Variants in DYNC2I1 observed in about 807,000 individuals in gnomAD.
DYNC2I1 encodes dynein 2 intermediate chain 1.
Under a neutral mutation model 133.4 loss-of-function variants are expected in DYNC2I1, and 89 were observed. That is an observed-to-expected ratio of 0.67 (90% CI 0.56 to 0.80). The LOEUF (loss-of-function observed/expected upper bound fraction) is 0.80. Ranked by LOEUF, DYNC2I1 falls within the 30% of genes least tolerant of loss-of-function variation. DYNC2I1 has a pLI of 0.00. For synonymous variants in DYNC2I1, 504 were observed against 484.3 expected, an observed-to-expected ratio of 1.04 and a Z score of -0.54; for missense variants, 1,291 against 1,314.5, an observed-to-expected ratio of 0.98 and a Z score of 0.28.
intron 15 of DYNC2I1, among the ~76,000 whole-genome samples, chr7:158,921,620 G>A (rs796557401): frequency 5.3e-5 from 8 of 152,262 alleles, no homozygotes; most frequent in African/African-American, 1.9e-4. Flanking sequence ...AGGGTTCCCT[G>A]GAATTGGAGG....
chr7:158,911,845 C>T (rs1847512327), intron 12 of DYNC2I1, among the ~76,000 whole-genome samples, 166 bp downstream of exon 12: 1 of 152,204 alleles, frequency 6.6e-6, no homozygotes, highest in South Asian at 2.1e-4. Context: ...GGCCCATTCA[C>T]CCGAGAGGCC....
At chr7:158,843,350 T>G in the DYNC2I1 span, among the ~76,000 whole-genome samples, 1 of 152,174 alleles carries the variant, frequency 6.6e-6, no homozygotes, top group Non-Finnish European at 1.5e-5. Context: ...AACCTCCACC[T>G]CTCAGGTTCA....
chr7:158,910,819 G>T (rs572244830), intron 11 of DYNC2I1, among the ~76,000 whole-genome samples: 2 of 150,782 alleles, frequency 1.3e-5, no homozygotes, highest in South Asian at 4.2e-4. Context: ...GTGTCAGCCT[G>T]TGGGCCAAGG....
In DYNC2I1 at chr7:158,942,372, C is replaced by T. The variant is rs534922143; in HGVS notation, c.3002+224C>T. Among the ~76,000 whole-genome samples the T allele has an allele frequency of 3.9e-5, 6 of 152,126 alleles. No individual in the cohort carries two copies. In the South Asian group the frequency reaches 8.3e-4, roughly 21 times the overall value. On this transcript the variant is annotated intron_variant, in intron 24 of 24. Transcript: ENST00000407559. ...AGTGGAAGGCAGAGATTTCTAGCAC[C>T]CTGTCCCACATCCCGGCCGGAGGCA...
rs1342910216 is a variant in DYNC2I1, at chr7:158,926,405, T to C, written c.2375T>C (p.Met792Thr). ...TTTTTGTTTCTGTCTTCATCAGAAA[T>C]GTCAGGTTTGTCCTTCCACATCGCT... ...VLSPFSTQEE[M>T]SGLSFHIASL... Residue 792 changes from methionine to threonine, a missense_variant, in exon 19 of 25, where the codon ATG (methionine) becomes ACG (threonine). Met to Thr is a moderately conservative substitution (Grantham distance 81, BLOSUM62 -1). Transcript: ENST00000407559. 16 of 1,612,872 alleles carry C rather than the reference T, an allele frequency of 9.9e-6. No homozygotes were observed. The East Asian group carries it at 3.6e-4, about 36-fold the overall frequency.
intron 5 of DYNC2I1, among the ~76,000 whole-genome samples, chr7:158,884,119 A>G (rs987312072): frequency 1.0e-4 from 15 of 144,330 alleles, no homozygotes; most frequent in Non-Finnish European, 2.3e-4. Context: ...ATCTCTGCTC[A>G]TTGCAAGCTC....
In DYNC2I1 at chr7:158,881,146, C is replaced by T. The variant is rs117091331; in HGVS notation, c.879+1157C>T. Among the ~76,000 whole-genome samples the T allele has an allele frequency of 4.6e-5, 7 of 152,370 alleles. No individual in the cohort carries two copies. The East Asian group carries it at 1.2e-3, about 25-fold the overall frequency. ...TTAGGAGCAGAAGCTGCCTGGCTCC[C>T]GGCCATCTCAGCCGCTCTTGGCGCT... On this transcript the variant is annotated intron_variant, in intron 5 of 24. Transcript: ENST00000407559.
intron 23 of DYNC2I1, among the ~76,000 whole-genome samples, chr7:158,937,868 C>G (rs1850924692): frequency 6.6e-6 from 1 of 152,022 alleles, no homozygotes; most frequent in Non-Finnish European, 1.5e-5. Context: ...CCATTGTCCT[C>G]CAGCCTGGGT....
At chr7:158,936,533 T>C (rs1293339667) in intron 23 of DYNC2I1, among the ~76,000 whole-genome samples, 2 of 152,228 alleles carry the variant, frequency 1.3e-5, no homozygotes, top group Non-Finnish European at 2.9e-5. Flanking sequence ...TTTTCTACTT[T>C]CTTGGGTGCC....
chr7:158,880,284 C>T (rs932777392), intron 5 of DYNC2I1, among the ~76,000 whole-genome samples: 1 of 152,190 alleles, frequency 6.6e-6, no homozygotes, highest in African/African-American at 2.4e-5. Flanking sequence ...TGCCTGTCAT[C>T]CCAGCACTTT....
intron 24 of DYNC2I1, 129 bp downstream of exon 24, chr7:158,942,277 T>A: frequency 1.5e-6 from 1 of 678,724 alleles, no homozygotes; most frequent in Non-Finnish European, 2.3e-6. Context: ...TATGTAAATT[T>A]AAATAATATG....
intron 4 of DYNC2I1, among the ~76,000 whole-genome samples, chr7:158,952,151 C>T (rs765589209): frequency 7.2e-5 from 11 of 152,140 alleles, no homozygotes; most frequent in African/African-American, 1.4e-4. Context: ...GAGGGGCTTC[C>T]GAGGAGGGCG....
At chr7:158,900,116 C>CT (rs869092810) in intron 8 of DYNC2I1, among the ~76,000 whole-genome samples, 1,527 of 136,968 alleles carry the variant, frequency 0.011, 13 homozygotes, top group African/African-American at 0.02. Context: ...GAATGTAATT[C>CT]TTTTTTTTTT....
chr7:158,846,949 A>C, the DYNC2I1 span, among the ~76,000 whole-genome samples: 1 of 152,206 alleles, frequency 6.6e-6, no homozygotes, highest in Non-Finnish European at 1.5e-5. Context: ...GTATGTTTCT[A>C]TGTGTCATGT....
chr7:158,947,896 T>G (rs1851937557), downstream of DYNC2I1, among the ~76,000 whole-genome samples: 1 of 152,270 alleles, frequency 6.6e-6, no homozygotes, highest in Non-Finnish European at 1.5e-5. Context: ...GTGCAGCTTC[T>G]GCTCCATGAT....
upstream of DYNC2I1, among the ~76,000 whole-genome samples, chr7:158,852,693 C>T (rs892027054): frequency 6.6e-6 from 1 of 152,082 alleles, no homozygotes; most frequent in Non-Finnish European, 1.5e-5. Context: ...GAGCTGAGAT[C>T]GCGCCATTGC....
At position 158,953,173 on chromosome 7, in the gene DYNC2I1, TC is replaced by T. The variant is rs1852106102; in HGVS notation, c.*57-3408del. ...ACTGAGCTGACCCACATGTGGCTGC[TC>T]CTACCCTCCTCGCCCTCCTCTCCTA... On this transcript the variant is annotated intron_variant and NMD_transcript_variant, in intron 4 of 4. Coordinates refer to the DYNC2I1 transcript ENST00000454771. Among the ~76,000 whole-genome samples, 5 of 128,436 alleles carry T rather than the reference TC, an allele frequency of 3.9e-5. No individual in the cohort carries two copies. The Admixed American group carries it at 4.2e-4, about 11-fold the overall frequency. 84.3% of individuals were successfully genotyped at this position (128,436 alleles called of 152,430 possible).
chr7:158,948,743 T>C (rs2129490162), downstream of DYNC2I1, among the ~76,000 whole-genome samples: 1 of 152,244 alleles, frequency 6.6e-6, no homozygotes, highest in East Asian at 1.9e-4. Flanking sequence ...AAAATTCCAT[T>C]TGACGTAAAC....
intron 14 of DYNC2I1, among the ~76,000 whole-genome samples, chr7:158,915,608 AAC>A (rs1848075109): frequency 6.9e-6 from 1 of 144,608 alleles, no homozygotes; most frequent in Non-Finnish European, 1.5e-5. Context: ...ATGATTGTGA[AAC>A]ATCGACACGC....
Sources: gnomAD v4.1 joint callset for allele counts (sites outside exome capture counted in the v4.1 genomes callset) on GRCh38, gnomAD v4.1.1 for gene constraint, MANE v1.5 for transcripts, NCBI Gene and HGNC (gene_info 2026-07-23, HGNC 2026-07-21) for gene names.